The following ELMOD2 variants were observed in gnomAD, a reference collection of about 807,000 sequenced individuals.
ELMOD2 encodes the protein ELMO domain-containing protein 2.
A neutral mutation model predicts 41.0 loss-of-function variants in ELMOD2; 28 were observed. The observed-to-expected ratio is 0.68, with a 90% confidence interval of 0.51 to 0.94. The LOEUF (loss-of-function observed/expected upper bound fraction) is 0.94, where lower values mean the gene tolerates loss of function less well. ELMOD2 is among the 40% of genes least tolerant of loss of function. The probability of loss-of-function intolerance (pLI) is 0.00; values close to 1 mark genes in which losing one functional copy is unlikely to be tolerated. For synonymous variants in ELMOD2, 106 were observed against 107.2 expected (o/e 0.99, Z 0.07); for missense variants, 333 against 343.1 (o/e 0.97, Z 0.23).
Position 140,552,249 on chromosome 4 carries a change from C to A in ELMOD2, c.*1874C>A, listed in dbSNP as rs1003510709. The A allele has an allele frequency of 2.0e-5, 3 of 151,920 alleles. No homozygotes were observed. Among genetic ancestry groups the A allele is most frequent in the African/African-American group, 7.2e-5 (3 of 41,396 alleles). 9.4% of individuals were successfully genotyped at this position (151,920 alleles called of 1,614,324 possible). A position where few individuals can be genotyped will look rare whatever the true frequency, so the allele number is the denominator to read the frequency against. ...ACATTTGTCAATATACTTAAGAATG[C>A]TTTAAGTAAAGAAGGGGAAAATTTT... On this transcript the variant is annotated 3_prime_UTR_variant, in exon 9 of 9. Transcript: ENST00000323570.
At chr4:140,550,168 G>T in intron 8 of ELMOD2, 62 bp from the exon 9 acceptor site, 1 of 1,380,658 alleles carries the variant, frequency 7.2e-7, no homozygotes, top group Non-Finnish European at 1.0e-6. Context: ...TTGTAAAGAT[G>T]AGACGGTTTG....
intron 6 of ELMOD2, 91 bp from the exon 7 acceptor site, chr4:140,542,483 A>G (rs541263925): frequency 8.8e-5 from 79 of 902,372 alleles, no homozygotes; most frequent in South Asian, 4.3e-4. Flanking sequence ...TACTAGGACT[A>G]TGATTTTGAC....
chr4:140,543,878 A>G (rs750248703), intron 8 of ELMOD2, among the ~76,000 whole-genome samples: 33 of 152,106 alleles, frequency 2.2e-4, no homozygotes, highest in Non-Finnish European at 4.3e-4. Flanking sequence ...TAACTACAAA[A>G]TGTATTTTCC....
In ELMOD2 at chr4:140,551,791, C is replaced by T. The variant is rs1735476988; in HGVS notation, c.*1416C>T. 6.6e-6 allele frequency: 1 copy of T among 151,996 alleles called. No homozygotes were observed. The highest frequency in any genetic ancestry group is 2.1e-4 in the South Asian group (1 of 4,828). 9.4% of individuals were successfully genotyped at this position (151,996 alleles called of 1,614,324 possible). ...GTATTTGCTCGTGTCTGTTGACAGA[C>T]CTCTTTCTTTCAAACTTGTTAGAAG... On this transcript the variant is annotated 3_prime_UTR_variant, in exon 9 of 9. Transcript: ENST00000323570.
chr4:140,525,645 T>C, intron 2 of ELMOD2, 75 bp downstream of exon 2: 1 of 1,467,468 alleles, frequency 6.8e-7, no homozygotes, highest in East Asian at 2.5e-5. Context: ...CAGTGACAGA[T>C]GTATTTCTTT....
At chr4:140,524,597 T>G (rs1199463261) in intron 1 of ELMOD2, 1 of 985,356 alleles carries the variant, frequency 1.0e-6, no homozygotes, top group East Asian at 1.1e-4. Context: ...TGCTATGCGC[T>G]CTTTCTGCAC....
chr4:140,535,634 T>C, intron 3 of ELMOD2, 99 bp from the exon 4 acceptor site: 1 of 1,145,342 alleles, frequency 8.7e-7, no homozygotes, highest in Non-Finnish European at 1.3e-6. Flanking sequence ...TATTTTGCAT[T>C]TTTAATATCT....
At chr4:140,547,624 C>T (rs1735332757) in intron 8 of ELMOD2, among the ~76,000 whole-genome samples, 2 of 152,034 alleles carry the variant, frequency 1.3e-5, no homozygotes, top group African/African-American at 4.8e-5. Context: ...AGAATTTACC[C>T]ATCTTAAATA....
At chr4:140,529,949 GT>G (rs1734693052) in intron 3 of ELMOD2, among the ~76,000 whole-genome samples, 1 of 152,012 alleles carries the variant, frequency 6.6e-6, no homozygotes, top group South Asian at 2.1e-4. Context: ...TTTTGTTGTT[GT>G]TTTGTTCACT....
chr4:140,548,666 A>G (rs1465441286), intron 8 of ELMOD2, among the ~76,000 whole-genome samples: 1 of 152,140 alleles, frequency 6.6e-6, no homozygotes, highest in Non-Finnish European at 1.5e-5. Flanking sequence ...ACATCATTTA[A>G]CTTCTCTGCA....
At position 140,535,765 on chromosome 4, in the gene ELMOD2, T is replaced by C. The variant is rs748201714; in HGVS notation, c.204T>C (p.Ser68=). 8.1e-6 allele frequency: 13 copies of C among 1,611,478 alleles called. No individual in the cohort carries two copies. The African/African-American group carries it at 1.7e-4, about 22-fold the overall frequency. The change falls in exon 4 of 9, where the codon AGT becomes AGC. Residue 68 remains serine (S), a synonymous_variant. Coordinates refer to ENST00000323570, the MANE Select transcript of ELMOD2 (RefSeq NM_153702.4). ...VLQKATHVVQ[S]EVDKYVDDIM... The stretch of plus-strand genomic sequence containing the variant: ...AGAAGGCGACACATGTTGTTCAGAG[T>C]GAAGTGGACAAATATGTAGATGATA...
At chr4:140,532,329 G>T (rs1168420529) in intron 3 of ELMOD2, among the ~76,000 whole-genome samples, 1 of 151,918 alleles carries the variant, frequency 6.6e-6, no homozygotes, top group Non-Finnish European at 1.5e-5. Flanking sequence ...ACCATGCCTG[G>T]CTAATTTTTG....
Position 140,535,716 on chromosome 4 carries a change from T to G in ELMOD2, c.172-17T>G. On this transcript the variant is annotated splice_polypyrimidine_tract_variant and intron_variant, in intron 3 of 8. Coordinates refer to ENST00000323570, the MANE Select transcript of ELMOD2 (RefSeq NM_153702.4). ...TACAAAGAATTTTTCTCATTTGGCT[T>G]TCTTTTACATAAATAGGTTTTACAG... 1 of 1,600,652 alleles carries G rather than the reference T, an allele frequency of 6.2e-7. No homozygotes were observed. The highest frequency in any genetic ancestry group is 1.8e-5 in the Admixed American group (1 of 56,602).
At chr4:140,540,665 T>A (rs1301429898) in intron 6 of ELMOD2, among the ~76,000 whole-genome samples, 1 of 151,728 alleles carries the variant, frequency 6.6e-6, no homozygotes, top group Non-Finnish European at 1.5e-5. Flanking sequence ...AAGGATTGCC[T>A]GAGCCCAGGA....
intron 3 of ELMOD2, among the ~76,000 whole-genome samples, chr4:140,534,361 TAGAAATC>T (rs1734845216): frequency 6.6e-6 from 1 of 152,128 alleles, no homozygotes; most frequent in African/African-American, 2.4e-5. Context: ...GCTATGGTGG[TAGAAATC>T]AGAACAGTGG....
intron 8 of ELMOD2, among the ~76,000 whole-genome samples, chr4:140,549,327 G>A (rs979098779): frequency 6.7e-6 from 1 of 149,664 alleles, no homozygotes; most frequent in Non-Finnish European, 1.5e-5. Flanking sequence ...GATGTTGGGT[G>A]GTTTTAAATT....
chr4:140,535,185 G>T (rs1250939512), intron 3 of ELMOD2, among the ~76,000 whole-genome samples: 3 of 135,650 alleles, frequency 2.2e-5, no homozygotes, highest in African/African-American at 5.4e-5. Context: ...CTCGCCTTGG[G>T]GTATATCTAA....
Position 140,524,259 on chromosome 4 carries a change from C to G in ELMOD2, c.-31C>G, listed in dbSNP as rs1419174421. The G allele has an allele frequency of 6.6e-6, 1 of 152,450 alleles. No individual in the cohort carries two copies. Among genetic ancestry groups the G allele is most frequent in the Non-Finnish European group, 1.5e-5 (1 of 68,246 alleles). 9.4% of individuals were successfully genotyped at this position (152,450 alleles called of 1,614,324 possible). ...GAAACCGAGGCAGCTCCTGCTCCCC[C>G]TAGTTCTTCCGCTCCTGTGAGGTGG... is the stretch of plus-strand genomic sequence containing the variant. On this transcript the variant is annotated 5_prime_UTR_variant, in exon 1 of 9. Coordinates refer to ENST00000323570, the MANE Select transcript of ELMOD2 (RefSeq NM_153702.4).
At chr4:140,530,868 C>T (rs1048210862) in intron 3 of ELMOD2, among the ~76,000 whole-genome samples, 11 of 151,932 alleles carry the variant, frequency 7.2e-5, no homozygotes, top group East Asian at 1.9e-4. Context: ...CATTTTTATT[C>T]GATAAAAAAG....
Sources: allele counts gnomAD v4.1 joint callset (sites outside exome capture counted in the v4.1 genomes callset), GRCh38; gene constraint gnomAD v4.1.1; transcripts MANE v1.5; gene names NCBI Gene and HGNC (gene_info 2026-07-23, HGNC 2026-07-21).